The following MGAT4C variants were observed in gnomAD, a reference collection of about 807,000 sequenced individuals.
MGAT4C encodes the protein MGAT4 family member C.
MGAT4C carries 19 observed loss-of-function variants against 40.1 expected under a neutral mutation model. The ratio of observed to expected loss-of-function variants is 0.47; its 90% confidence interval spans 0.33 to 0.70. MGAT4C has a LOEUF of 0.70. Ranked by LOEUF, MGAT4C falls within the 30% of genes least tolerant of loss-of-function variation. The pLI, the probability that MGAT4C is intolerant of heterozygous loss-of-function variation, is 0.02. For synonymous variants in MGAT4C, 181 were observed against 187.1 expected (o/e 0.97, Z 0.27); for missense variants, 491 against 563.2 (o/e 0.87, Z 1.30).
At chr12:86,744,011 A>G (rs1593168187) in intron 1 of MGAT4C, among the ~76,000 whole-genome samples, 2 of 151,610 alleles carry the variant, frequency 1.3e-5, no homozygotes, top group African/African-American at 4.8e-5. Flanking sequence ...AACAAGGCAT[A>G]TGGAAGCACC....
At chr12:86,759,645 C>T (rs565998577) in intron 1 of MGAT4C, among the ~76,000 whole-genome samples, 1 of 152,180 alleles carries the variant, frequency 6.6e-6, no homozygotes, top group African/African-American at 2.4e-5. Flanking sequence ...TGATGTTGAG[C>T]ATGTTTTCCT....
intron 2 of MGAT4C, among the ~76,000 whole-genome samples, chr12:86,546,123 T>C (rs548705681): frequency 1.1e-4 from 17 of 152,080 alleles, no homozygotes; most frequent in South Asian, 6.2e-4. Context: ...TAGATAATTA[T>C]GGAAGTGTAT....
chr12:86,667,940 G>T (rs1964156772), intron 2 of MGAT4C, among the ~76,000 whole-genome samples: 1 of 152,180 alleles, frequency 6.6e-6, no homozygotes, highest in Admixed American at 6.5e-5. Flanking sequence ...TTTGCACATG[G>T]ATTTTCTGGT....
At chr12:86,191,126 CA>C (rs1566117988) in intron 1 of MGAT4C, among the ~76,000 whole-genome samples, 483 of 139,408 alleles carry the variant, frequency 3.5e-3, no homozygotes, top group Admixed American at 5.6e-3. Context: ...CACACACACA[CA>C]CACACACCCC....
chr12:86,758,217 A>G (rs1187067334), intron 1 of MGAT4C, among the ~76,000 whole-genome samples: 3 of 152,096 alleles, frequency 2.0e-5, no homozygotes, highest in Non-Finnish European at 2.9e-5. Flanking sequence ...ATAAATTGCT[A>G]TAAAACTTTG....
chr12:85,998,964 C>T (rs1415025456), intron 2 of MGAT4C, among the ~76,000 whole-genome samples: 1 of 152,118 alleles, frequency 6.6e-6, no homozygotes, highest in African/African-American at 2.4e-5. Flanking sequence ...CTGATAAAGA[C>T]ATACCTGAGA....
chr12:86,378,142 T>C (rs1955864960), intron 3 of MGAT4C, among the ~76,000 whole-genome samples: 1 of 152,156 alleles, frequency 6.6e-6, no homozygotes. Context: ...TTTCAGCTAT[T>C]GTGAATAATG....
At chr12:86,072,951 C>T (rs1868863179) in intron 1 of MGAT4C, among the ~76,000 whole-genome samples, 1 of 152,062 alleles carries the variant, frequency 6.6e-6, no homozygotes, top group Non-Finnish European at 1.5e-5. Context: ...CACGAGAGGA[C>T]TAGGAGTTAC....
At chr12:86,380,669 T>C (rs1592766105) in intron 3 of MGAT4C, among the ~76,000 whole-genome samples, 1 of 152,136 alleles carries the variant, frequency 6.6e-6, no homozygotes, top group Admixed American at 6.6e-5. Flanking sequence ...TCATTTAGTC[T>C]TCATGAGAAC....
At chr12:86,569,592 G>A (rs7134438) in intron 2 of MGAT4C, among the ~76,000 whole-genome samples, 129,459 of 152,068 alleles carry the variant, frequency 0.85, 55,645 homozygotes, top group South Asian at 0.96. Flanking sequence ...GTTGCTATGA[G>A]TGTTAATTAT....
At chr12:86,458,887 G>T (rs980569034) in intron 2 of MGAT4C, among the ~76,000 whole-genome samples, 2 of 152,046 alleles carry the variant, frequency 1.3e-5, no homozygotes, top group African/African-American at 2.4e-5. Context: ...AGATAGTAAT[G>T]CAAGAAAGGG....
chr12:86,577,460 A>G (rs534573641), intron 2 of MGAT4C, among the ~76,000 whole-genome samples: 9 of 151,822 alleles, frequency 5.9e-5, no homozygotes, highest in Non-Finnish European at 1.2e-4. Flanking sequence ...TATGGCTTTT[A>G]TTATGTTAAG....
chr12:86,061,923 G>A lies in MGAT4C; in HGVS notation c.-56-12200C>T, dbSNP rs905398471. Among the ~76,000 whole-genome samples, 4 of 152,150 alleles carry A rather than the reference G, an allele frequency of 2.6e-5. No individual in the cohort carries two copies. In the South Asian group the frequency reaches 6.2e-4, roughly 24 times the overall value. On this transcript the variant is annotated intron_variant, in intron 1 of 4. Transcript: ENST00000611864. ...CACCTCCCTGGGACAGAGCACCTTGGGGAAGGGGTGGCTGTGGGCACAGCT... is the reference window on the plus strand; with the variant it reads ...CACCTCCCTGGGACAGAGCACCTTGAGGAAGGGGTGGCTGTGGGCACAGCT...
chr12:86,492,707 T>G (rs1307328869), intron 2 of MGAT4C, among the ~76,000 whole-genome samples: 9 of 152,262 alleles, frequency 5.9e-5, no homozygotes, highest in South Asian at 2.1e-4. Context: ...GAAGAAAACC[T>G]AGGCATTACC....
At chr12:86,494,655 G>T (rs370486022) in intron 2 of MGAT4C, among the ~76,000 whole-genome samples, 1 of 151,076 alleles carries the variant, frequency 6.6e-6, no homozygotes, top group African/African-American at 2.4e-5. Flanking sequence ...TCTTCTACAG[G>T]AAGAAATTAA....
intron 1 of MGAT4C, among the ~76,000 whole-genome samples, chr12:86,771,820 C>A (rs1472228398): frequency 6.6e-6 from 1 of 151,690 alleles, no homozygotes; most frequent in African/African-American, 2.4e-5. Context: ...GGAAAAACGA[C>A]CTTTGTTATA....
At chr12:86,355,222 G>C (rs1457354876) in intron 3 of MGAT4C, among the ~76,000 whole-genome samples, 1 of 152,064 alleles carries the variant, frequency 6.6e-6, no homozygotes, top group Non-Finnish European at 1.5e-5. Context: ...ACCACTGATT[G>C]GTGCATTTTA....
chr12:86,780,775 C>T (rs892628923), intron 1 of MGAT4C, among the ~76,000 whole-genome samples: 1 of 152,098 alleles, frequency 6.6e-6, no homozygotes, highest in Non-Finnish European at 1.5e-5. Context: ...CACACTGTAC[C>T]CATTACATAA....
intron 2 of MGAT4C, among the ~76,000 whole-genome samples, chr12:86,676,220 T>C (rs1223779471): frequency 1.3e-5 from 2 of 152,048 alleles, no homozygotes; most frequent in African/African-American, 4.8e-5. Flanking sequence ...AGAAAATATA[T>C]GCAAAGTTAA....
Sources: gnomAD v4.1 joint callset for allele counts (sites outside exome capture counted in the v4.1 genomes callset) on GRCh38, gnomAD v4.1.1 for gene constraint, MANE v1.5 for transcripts, NCBI Gene and HGNC (gene_info 2026-07-23, HGNC 2026-07-21) for gene names.